Variants in LOC112694756 observed in about 807,000 individuals in gnomAD.
At chr16:30,060,298 A>G in the LOC112694756 span, among the ~76,000 whole-genome samples, 1 of 152,156 alleles carries the variant, frequency 6.6e-6, no homozygotes, top group Non-Finnish European at 1.5e-5. Context: ...ATATTCCTAT[A>G]AATGAGGAAA....
chr16:30,058,777 T>C, the LOC112694756 span, among the ~76,000 whole-genome samples: 14 of 152,282 alleles, frequency 9.2e-5, no homozygotes, highest in South Asian at 2.1e-4. Flanking sequence ...CCACCACGCC[T>C]GGCCTGCTCT....
the LOC112694756 span, among the ~76,000 whole-genome samples, chr16:30,056,775 A>G: frequency 6.6e-6 from 1 of 151,710 alleles, no homozygotes; most frequent in Admixed American, 6.6e-5. Context: ...TAATGTTTAT[A>G]TCTTTCACAC....
the LOC112694756 span, chr16:30,067,539 G>A: frequency 9.7e-5 from 157 of 1,613,834 alleles, no homozygotes; most frequent in East Asian, 3.3e-3. Context: ...GACAGCTGAC[G>A]ACCGCGTGAA....
At chr16:30,055,088 C>G in the LOC112694756 span, 1 of 399,046 alleles carries the variant, frequency 2.5e-6, no homozygotes, top group African/African-American at 2.1e-5. Flanking sequence ...TGTCCCCAGC[C>G]AAACCTTTTC....
the LOC112694756 span, chr16:30,067,283 C>A: frequency 6.2e-7 from 1 of 1,612,610 alleles, no homozygotes; most frequent in Non-Finnish European, 8.5e-7. Flanking sequence ...GCACTGACCC[C>A]GGAGCAGAAG....
At chr16:30,070,191 C>T in the LOC112694756 span, 58 of 1,614,142 alleles carry the variant, frequency 3.6e-5, no homozygotes, top group Middle Eastern at 1.6e-4. Flanking sequence ...AGTCCCTCTT[C>T]GTCTCTAACC....
chr16:30,065,497 C>G, the LOC112694756 span, among the ~76,000 whole-genome samples: 1 of 152,176 alleles, frequency 6.6e-6, no homozygotes, highest in South Asian at 2.1e-4. Context: ...CGCCCCAGAG[C>G]GCGCCAGGCT....
the LOC112694756 span, chr16:30,068,136 C>A: frequency 3.9e-6 from 1 of 253,596 alleles, no homozygotes; most frequent in Non-Finnish European, 7.6e-6. Context: ...GATCTCTTGG[C>A]TCACTGCAAG....
the LOC112694756 span, chr16:30,069,483 G>T: frequency 6.2e-7 from 1 of 1,613,976 alleles, no homozygotes; most frequent in Non-Finnish European, 8.5e-7. Flanking sequence ...CCCACCGTGC[G>T]CCTGCTCTGC....
the LOC112694756 span, chr16:30,055,203 C>G: frequency 2.5e-6 from 1 of 399,478 alleles, no homozygotes; most frequent in Non-Finnish European, 4.4e-6. Context: ...GGTAGCTCCC[C>G]CTGCAGGAAG....
At chr16:30,067,850 A>C in the LOC112694756 span, 5 of 696,854 alleles carry the variant, frequency 7.2e-6, no homozygotes, top group Non-Finnish European at 1.2e-5. Flanking sequence ...TTCCCACTTT[A>C]CACATGAAAA....
the LOC112694756 span, chr16:30,069,112 G>T: frequency 6.9e-7 from 1 of 1,445,290 alleles, no homozygotes; most frequent in Admixed American, 1.9e-5. Flanking sequence ...GACACTCAAG[G>T]GCTGTTGAAG....
At chr16:30,058,384 T>G in the LOC112694756 span, among the ~76,000 whole-genome samples, 2 of 152,156 alleles carry the variant, frequency 1.3e-5, no homozygotes, top group South Asian at 4.1e-4. Flanking sequence ...TTGGAGTGAC[T>G]TGGAGGTTAT....
At chr16:30,068,055 T>C in the LOC112694756 span, 6 of 239,912 alleles carry the variant, frequency 2.5e-5, no homozygotes, top group African/African-American at 1.4e-4. Context: ...CTAAACATTT[T>C]AAGTAAATTT....
the LOC112694756 span, chr16:30,067,775 C>T: frequency 2.5e-6 from 3 of 1,214,414 alleles, no homozygotes; most frequent in Non-Finnish European, 3.6e-6. Context: ...TGCATGGAGC[C>T]TGCTTCAGGC....
chr16:30,067,697 G>C, the LOC112694756 span: 1 of 1,611,356 alleles, frequency 6.2e-7, no homozygotes, highest in Non-Finnish European at 8.5e-7. Flanking sequence ...GGTTTGAGAT[G>C]GAAGTGGAGG....
the LOC112694756 span, chr16:30,067,126 G>A: frequency 9.8e-4 from 1,542 of 1,578,144 alleles, 12 homozygotes; most frequent in African/African-American, 0.019. Context: ...GTGTGGGGCA[G>A]GGGAGGTAGG....
the LOC112694756 span, chr16:30,066,283 A>C: frequency 6.6e-6 from 1 of 152,502 alleles, no homozygotes; most frequent in African/African-American, 2.4e-5. Flanking sequence ...GGTTCTCGCA[A>C]GTGGGAGCTT....
chr16:30,068,770 A>G, the LOC112694756 span: 2 of 1,614,088 alleles, frequency 1.2e-6, no homozygotes, highest in Non-Finnish European at 1.7e-6. Context: ...AGGAGTGGAA[A>G]CCACATGCCC....
Sources: allele counts gnomAD v4.1 joint callset (sites outside exome capture counted in the v4.1 genomes callset), GRCh38; gene constraint gnomAD v4.1.1; transcripts MANE v1.5.